SLC41A2: variants seen among roughly 807,000 people sequenced by gnomAD.
The protein encoded by SLC41A2 is solute carrier family 41 member 2.
SLC41A2 carries 32 observed loss-of-function variants against 58.3 expected under a neutral mutation model. That is an observed-to-expected ratio of 0.55 (90% confidence interval 0.41 to 0.74). The LOEUF is 0.74. Among genes scored for constraint, SLC41A2 ranks in the 30% least tolerant of loss-of-function variants. The pLI, the probability that SLC41A2 is intolerant of heterozygous loss-of-function variation, is 0.00. For missense variants in SLC41A2, 514 were observed against 680.6 expected, an observed-to-expected ratio of 0.76 and a Z score of 2.72; for synonymous variants, 190 against 235.0, an observed-to-expected ratio of 0.81 and a Z score of 1.75.
At chr12:104,909,317 T>C (rs2045980705) in intron 3 of SLC41A2, among the ~76,000 whole-genome samples, 1 of 152,204 alleles carries the variant, frequency 6.6e-6, no homozygotes, top group African/African-American at 2.4e-5. Context: ...TAAGAATGTA[T>C]TACTTCTACA....
chr12:104,836,813 A>G (rs2042226621), intron 10 of SLC41A2, among the ~76,000 whole-genome samples: 1 of 152,220 alleles, frequency 6.6e-6, no homozygotes, highest in East Asian at 1.9e-4. Flanking sequence ...CATACAAGCC[A>G]GTTTAACTTA....
At chr12:104,922,016 T>C (rs1355155341) in intron 2 of SLC41A2, among the ~76,000 whole-genome samples, 2 of 152,040 alleles carry the variant, frequency 1.3e-5, no homozygotes, top group Non-Finnish European at 2.9e-5. Flanking sequence ...AGTGTAAAAA[T>C]CTATAACTTA....
chr12:104,941,206 A>C (rs2047500645), intron 1 of SLC41A2, among the ~76,000 whole-genome samples: 1 of 152,228 alleles, frequency 6.6e-6, no homozygotes, highest in South Asian at 2.1e-4. Context: ...GAGACATCAC[A>C]GACACAATTT....
intron 7 of SLC41A2, among the ~76,000 whole-genome samples, chr12:104,863,141 A>C (rs552992705): frequency 6.6e-6 from 1 of 152,226 alleles, no homozygotes; most frequent in Admixed American, 6.5e-5. Context: ...GTGTGTCATT[A>C]AAAAAGTAAA....
At chr12:104,845,675 C>A (rs1402522064) in intron 9 of SLC41A2, among the ~76,000 whole-genome samples, 168 bp downstream of exon 9, 1 of 152,184 alleles carries the variant, frequency 6.6e-6, no homozygotes, top group Non-Finnish European at 1.5e-5. Context: ...AGATCCTCAG[C>A]AACTGCAGAC....
chr12:104,802,823 G>T lies in SLC41A2; in HGVS notation c.*2329C>A, dbSNP rs2040746781. 2.0e-5 allele frequency: 3 copies of T among 151,982 alleles called. No individual in the cohort carries two copies. Among genetic ancestry groups the T allele is most frequent in the African/African-American group, 7.2e-5 (3 of 41,384 alleles). 9.4% of individuals were successfully genotyped at this position (151,982 alleles called of 1,614,324 possible). ...TTTAAAAATCCTATTTTTGCAGTTGGCTTCCTCTCAGTGAATTAGTTAGGT... is the reference window on the plus strand; with the variant it reads ...TTTAAAAATCCTATTTTTGCAGTTGTCTTCCTCTCAGTGAATTAGTTAGGT... On this transcript the variant is annotated 3_prime_UTR_variant, in exon 11 of 11. Transcript: ENST00000258538.
At chr12:104,839,347 AC>A (rs1242541940) in intron 10 of SLC41A2, among the ~76,000 whole-genome samples, 1 of 152,040 alleles carries the variant, frequency 6.6e-6, no homozygotes, top group Non-Finnish European at 1.5e-5. Flanking sequence ...AAAACAGAAA[AC>A]CGTTAACAGT....
At chr12:104,951,854 T>C (rs2047969628) in intron 1 of SLC41A2, among the ~76,000 whole-genome samples, 5 of 151,640 alleles carry the variant, frequency 3.3e-5, no homozygotes, top group Admixed American at 2.6e-4. Flanking sequence ...TTATTCCTTT[T>C]GTCCTTAGCC....
chr12:104,933,443 T>C (rs2047144005), intron 1 of SLC41A2, among the ~76,000 whole-genome samples: 1 of 152,168 alleles, frequency 6.6e-6, no homozygotes, highest in African/African-American at 2.4e-5. Context: ...AATGTAAATT[T>C]GTACAGCCTC....
intron 6 of SLC41A2, among the ~76,000 whole-genome samples, chr12:104,884,360 T>C (rs4334113): frequency 0.71 from 108,229 of 152,052 alleles, 39,151 homozygotes; most frequent in African/African-American, 0.84. Context: ...ACAGTCCAAC[T>C]AGTCCCAATG....
At chr12:104,839,349 C>T (rs73399912) in intron 10 of SLC41A2, among the ~76,000 whole-genome samples, 6,462 of 151,706 alleles carry the variant, frequency 0.043, 289 homozygotes, top group East Asian at 0.15. Flanking sequence ...AACAGAAAAC[C>T]GTTAACAGTA....
chr12:104,938,409 C>T (rs2468337), intron 1 of SLC41A2, among the ~76,000 whole-genome samples: 107,517 of 152,112 alleles, frequency 0.71, 38,629 homozygotes, highest in African/African-American at 0.84. Flanking sequence ...GGAGGATTCT[C>T]GTCTCTACCT....
At chr12:104,950,797 A>C (rs1383822461) in intron 1 of SLC41A2, among the ~76,000 whole-genome samples, 2 of 152,158 alleles carry the variant, frequency 1.3e-5, no homozygotes, top group Non-Finnish European at 2.9e-5. Flanking sequence ...CTGGGTCCCC[A>C]TATTACCCAA....
At chr12:104,853,449 T>C (rs2042874055) in intron 8 of SLC41A2, among the ~76,000 whole-genome samples, 1 of 152,184 alleles carries the variant, frequency 6.6e-6, no homozygotes, top group Non-Finnish European at 1.5e-5. Flanking sequence ...CAGAAATTAC[T>C]CTTTGAGTTT....
intron 6 of SLC41A2, among the ~76,000 whole-genome samples, chr12:104,881,203 TC>T (rs1279703472): frequency 6.6e-6 from 1 of 152,212 alleles, no homozygotes; most frequent in Non-Finnish European, 1.5e-5. Context: ...GATTCTTCTC[TC>T]TTTTCTTCTT....
intron 10 of SLC41A2, among the ~76,000 whole-genome samples, chr12:104,822,383 C>G (rs1384830779): frequency 6.6e-6 from 1 of 152,132 alleles, no homozygotes; most frequent in East Asian, 1.9e-4. Context: ...CCCAGCAAAA[C>G]ATTTCACTGG....
chr12:104,826,040 G>T (rs921513903), intron 10 of SLC41A2, among the ~76,000 whole-genome samples: 1 of 152,152 alleles, frequency 6.6e-6, no homozygotes, highest in African/African-American at 2.4e-5. Flanking sequence ...GAAGATGCTC[G>T]CTTTCTCTCT....
At chr12:104,809,971 A>G (rs916926793) in intron 10 of SLC41A2, among the ~76,000 whole-genome samples, 2 of 152,192 alleles carry the variant, frequency 1.3e-5, no homozygotes, top group Non-Finnish European at 2.9e-5. Context: ...AAAGTGACTA[A>G]CTTAAAAAGT....
intron 2 of SLC41A2, among the ~76,000 whole-genome samples, 169 bp downstream of exon 2, chr12:104,927,804 A>T (rs553946500): frequency 6.6e-6 from 1 of 152,240 alleles, no homozygotes; most frequent in South Asian, 2.1e-4. Flanking sequence ...AAAAAGAAAA[A>T]CTCCCACCTA....
Sources: allele counts gnomAD v4.1 joint callset (sites outside exome capture counted in the v4.1 genomes callset), GRCh38; gene constraint gnomAD v4.1.1; transcripts MANE v1.5; gene names NCBI Gene and HGNC (gene_info 2026-07-23, HGNC 2026-07-21).